The following LRRK1 variants were observed in gnomAD, a reference collection of about 807,000 sequenced individuals.
The protein encoded by LRRK1 is leucine rich repeat kinase 1, also known as leucine-rich repeat serine/threonine-protein kinase 1.
A neutral mutation model predicts 209.1 loss-of-function variants in LRRK1; 113 were observed. The observed-to-expected ratio is 0.54, with a 90% CI of 0.46 to 0.63. The LOEUF is 0.63. Among genes scored for constraint, LRRK1 ranks in the 30% least tolerant of loss-of-function variants. LRRK1 has a pLI of 0.00. For missense variants in LRRK1, 2,284 were observed against 2,632.2 expected, an observed-to-expected ratio of 0.87 and a Z score of 2.89; for synonymous variants, 1,144 against 1,099.7, an observed-to-expected ratio of 1.04 and a Z score of -0.80.
At chr15:100,970,306 G>C (rs931729202) in intron 2 of LRRK1, among the ~76,000 whole-genome samples, 14 of 152,220 alleles carry the variant, frequency 9.2e-5, no homozygotes, top group African/African-American at 3.4e-4. Flanking sequence ...GCCATCTCAA[G>C]ATGATATTTG....
chr15:101,026,102 C>G lies in LRRK1; in HGVS notation c.2370C>G (p.Ala790=). 1 of 1,614,260 alleles carries G rather than the reference C, an allele frequency of 6.2e-7. No homozygotes were observed. Among genetic ancestry groups the G allele is most frequent in the Non-Finnish European group, 8.5e-7 (1 of 1,180,054 alleles). The change falls in exon 17 of 34, where the codon GCC becomes GCG. Residue 790 remains alanine, a synonymous_variant. Coordinates refer to ENST00000388948, the MANE Select transcript of LRRK1 (RefSeq NM_024652.6). ...ALCRSPSGSR[A]TGFPDITFKH... ...GCCGCTCCCCCTCCGGCTCCAGGGC[C>G]ACAGGCTTCCCAGACATCACCTTCA...
In LRRK1 at chr15:101,075,413, AT is replaced by A. The variant is rs1301849542; in HGVS notation, c.*6566del. 1 of 121,274 alleles carries A rather than the reference AT, an allele frequency of 8.2e-6. No homozygotes were observed. The highest frequency in any genetic ancestry group is 3.8e-5 in the African/African-American group (1 of 26,294). 7.5% of individuals were successfully genotyped at this position (121,274 alleles called of 1,614,324 possible). ...AGCCTCCTTTGTGTCCTCCTCTTGT[AT>A]CCCCCGACCTTAACCCATAAGTATA... On this transcript the variant is annotated 3_prime_UTR_variant, in exon 34 of 34. Transcript: ENST00000388948.
chr15:100,988,599 T>A (rs2041731849), intron 4 of LRRK1, 35 bp from the exon 5 acceptor site: 3 of 1,610,084 alleles, frequency 1.9e-6, no homozygotes, highest in Non-Finnish European at 2.5e-6. Context: ...CACCCTTCAG[T>A]GGCACTTTCC....
Position 100,966,131 on chromosome 15 carries a change from G to T in LRRK1, c.98-7673G>T, listed in dbSNP as rs28751980. ...GAATAATCTCAAATAGTATAAATGT[G>T]TTTCCTACATTTTAAGTTTAAATCA... is the stretch of plus-strand genomic sequence containing the variant. On this transcript the variant is annotated intron_variant, in intron 2 of 33. Coordinates refer to ENST00000388948, the MANE Select transcript of LRRK1 (RefSeq NM_024652.6). Among the ~76,000 whole-genome samples, 137 of 152,220 alleles carry T rather than the reference G, an allele frequency of 9.0e-4. 3 individuals are homozygous for T. Among genetic ancestry groups the T allele is most frequent in the African/African-American group, 3.2e-3 (132 of 41,532 alleles).
intron 2 of LRRK1, among the ~76,000 whole-genome samples, chr15:100,962,824 T>TACATATA (rs1555461505): frequency 3.6e-4 from 3 of 8,440 alleles, no homozygotes; most frequent in Admixed American, 1.2e-3. Flanking sequence ...TATATATATA[T>TACATATA]TTTTTTTTTT....
intron 31 of LRRK1, chr15:101,064,480 CG>C: frequency 6.5e-6 from 1 of 153,032 alleles, no homozygotes; most frequent in Non-Finnish European, 1.5e-5. Context: ...GGAGGTGCCC[CG>C]GGGCGGTCTG....
chr15:100,958,960 G>T (rs2042818258), intron 2 of LRRK1, among the ~76,000 whole-genome samples: 1 of 152,166 alleles, frequency 6.6e-6, no homozygotes, highest in African/African-American at 2.4e-5. Flanking sequence ...ATACTTTTAT[G>T]ACTTGGAAAG....
At chr15:101,029,287 G>C in intron 20 of LRRK1, 55 bp downstream of exon 20, 1 of 1,527,676 alleles carries the variant, frequency 6.5e-7, no homozygotes. Flanking sequence ...GAAAGAGGGA[G>C]TTGGGGTCTG....
At chr15:101,003,792 A>G (rs1250564287) in intron 6 of LRRK1, among the ~76,000 whole-genome samples, 2 of 152,152 alleles carry the variant, frequency 1.3e-5, no homozygotes, top group Non-Finnish European at 2.9e-5. Context: ...CAGCCAAACC[A>G]TATCACCCTC....
chr15:100,924,876 C>T, intron 2 of LRRK1, 147 bp downstream of exon 2: 1 of 556,606 alleles, frequency 1.8e-6, no homozygotes, highest in Non-Finnish European at 3.2e-6. Context: ...TATAATATAT[C>T]TTGGGACTCT....
At chr15:100,995,990 C>T (rs1360826517) in intron 6 of LRRK1, among the ~76,000 whole-genome samples, 1 of 152,216 alleles carries the variant, frequency 6.6e-6, no homozygotes, top group Non-Finnish European at 1.5e-5. Context: ...GTGCCCTGAG[C>T]GCAAGCAGCC....
At chr15:100,956,133 T>G (rs756752776) in intron 2 of LRRK1, among the ~76,000 whole-genome samples, 1 of 152,204 alleles carries the variant, frequency 6.6e-6, no homozygotes, top group Non-Finnish European at 1.5e-5. Flanking sequence ...CTTTTTATTG[T>G]TAGGAGGTTT....
intron 2 of LRRK1, among the ~76,000 whole-genome samples, chr15:100,932,073 C>T (rs2042222965): frequency 1.3e-5 from 2 of 152,310 alleles, no homozygotes; most frequent in Middle Eastern, 3.4e-3. Flanking sequence ...GCAACCTCCA[C>T]CTCCAGGGTT....
Position 101,074,183 on chromosome 15 carries a change from A to G in LRRK1, c.*5335A>G, listed in dbSNP as rs2036900084. On this transcript the variant is annotated 3_prime_UTR_variant, in exon 34 of 34. Transcript: ENST00000388948. ...GCTGAGTCTTTCTAATCTTTTCTAT[A>G]GACCCATCTGACCTCTCCCCTCCTC... 6.6e-6 allele frequency: 1 copy of G among 151,970 alleles called. No individual in the cohort carries two copies. Among genetic ancestry groups the G allele is most frequent in the Non-Finnish European group, 1.5e-5 (1 of 68,002 alleles). 9.4% of individuals were successfully genotyped at this position (151,970 alleles called of 1,614,324 possible).
intron 6 of LRRK1, among the ~76,000 whole-genome samples, chr15:100,992,334 G>T (rs549256604): frequency 6.6e-6 from 1 of 152,172 alleles, no homozygotes; most frequent in South Asian, 2.1e-4. Flanking sequence ...TCCCTTATAT[G>T]CAAGTCAGGA....
chr15:101,061,524 G>A (rs17161159), intron 30 of LRRK1, among the ~76,000 whole-genome samples: 9,038 of 152,314 alleles, frequency 0.059, 862 homozygotes, highest in African/African-American at 0.2. Context: ...ATTTGCGATG[G>A]TGAGGACCAG....
chr15:101,023,336 T>A lies in LRRK1; in HGVS notation c.2067+739T>A, dbSNP rs537532283. Among the ~76,000 whole-genome samples, 12 of 152,130 alleles carry A rather than the reference T, an allele frequency of 7.9e-5. No individual in the cohort carries two copies. In the East Asian group the frequency reaches 1.7e-3, roughly 22 times the overall value. On this transcript the variant is annotated intron_variant, in intron 15 of 33. Coordinates refer to ENST00000388948, the MANE Select transcript of LRRK1 (RefSeq NM_024652.6). ...AGAGCAAGACTCCATTCAAAAAAAA[T>A]TTTTTGAGTCCATCCATAAACTTCT...
chr15:100,952,466 C>T lies in LRRK1; in HGVS notation c.98-21338C>T, dbSNP rs182208213. Reference sequence around the variant, plus strand: ...CTGTGTTTTCTTCTAATGCCTACATCGTTTTATTTTTTTACATTATATCTC... The same window carrying T: ...CTGTGTTTTCTTCTAATGCCTACATTGTTTTATTTTTTTACATTATATCTC... On this transcript the variant is annotated intron_variant, in intron 2 of 33. Transcript: ENST00000388948. Among the ~76,000 whole-genome samples the T allele has an allele frequency of 5.6e-3, 851 of 152,268 alleles. 5 individuals are homozygous for T. Among genetic ancestry groups the T allele is most frequent in the South Asian group, 0.011 (55 of 4,826 alleles).
At chr15:100,951,082 T>A (rs34270489) in intron 2 of LRRK1, among the ~76,000 whole-genome samples, 2 of 152,066 alleles carry the variant, frequency 1.3e-5, no homozygotes, top group Non-Finnish European at 2.9e-5. Flanking sequence ...CAGCCTGGGC[T>A]ACAGAGTGAG....
Sources: gnomAD v4.1 joint callset for allele counts (sites outside exome capture counted in the v4.1 genomes callset) on GRCh38, gnomAD v4.1.1 for gene constraint, MANE v1.5 for transcripts, NCBI Gene and HGNC (gene_info 2026-07-23, HGNC 2026-07-21) for gene names.